LOC400499: variants seen among roughly 807,000 people sequenced by gnomAD.
At chr16:11,484,912 G>C in the LOC400499 span, 1 of 399,420 alleles carries the variant, frequency 2.5e-6, no homozygotes, top group East Asian at 3.6e-5. Context: ...TTCTGTCTCT[G>C]TCTCCTGGAC....
chr16:11,494,871 C>A, the LOC400499 span: 2 of 397,898 alleles, frequency 5.0e-6, no homozygotes, highest in Non-Finnish European at 8.9e-6. Flanking sequence ...AGAGCTGAGT[C>A]CCCCAGAGTC....
chr16:11,467,261 A>C, the LOC400499 span: 1 of 139,486 alleles, frequency 7.2e-6, no homozygotes, highest in South Asian at 2.3e-4. Context: ...CTGCCAAGCT[A>C]TATTTTTGAG....
the LOC400499 span, chr16:11,393,628 C>T: frequency 1.7e-6 from 2 of 1,206,050 alleles, no homozygotes; most frequent in African/African-American, 3.1e-5. Flanking sequence ...CCCTGCCCGC[C>T]CCAGGCTCAG....
the LOC400499 span, among the ~76,000 whole-genome samples, chr16:11,432,150 C>G: frequency 1.3e-5 from 2 of 152,236 alleles, no homozygotes; most frequent in Non-Finnish European, 2.9e-5. Context: ...GTCCTCAGCC[C>G]ATGCACACAT....
At chr16:11,375,715 A>T in the LOC400499 span, among the ~76,000 whole-genome samples, 2 of 148,862 alleles carry the variant, frequency 1.3e-5, no homozygotes, top group East Asian at 3.9e-4. Context: ...AGAAATGTCT[A>T]TTCAAGTCCT....
the LOC400499 span, among the ~76,000 whole-genome samples, chr16:11,505,675 T>G: frequency 1.4e-4 from 22 of 152,036 alleles, no homozygotes; most frequent in African/African-American, 5.1e-4. Flanking sequence ...CTCAAACCCC[T>G]GGGGTTTAAG....
At chr16:11,487,435 G>C in the LOC400499 span, 326 of 398,562 alleles carry the variant, frequency 8.2e-4, 4 homozygotes, top group Admixed American at 0.014. Flanking sequence ...TCACAGAGTG[G>C]GGTCTGGCTA....
chr16:11,445,990 A>G, the LOC400499 span, among the ~76,000 whole-genome samples: 1 of 151,556 alleles, frequency 6.6e-6, no homozygotes, highest in African/African-American at 2.4e-5. Flanking sequence ...ATGCCCATCT[A>G]GTTTTTATAT....
chr16:11,459,612 G>T, the LOC400499 span, among the ~76,000 whole-genome samples: 1 of 152,152 alleles, frequency 6.6e-6, no homozygotes, highest in Non-Finnish European at 1.5e-5. Context: ...CCCACCCTCT[G>T]GGAAAGACTA....
chr16:11,491,941 G>A, the LOC400499 span: 1 of 396,060 alleles, frequency 2.5e-6, no homozygotes. Flanking sequence ...CTGCTGCCTA[G>A]CCCCAGCTGT....
the LOC400499 span, among the ~76,000 whole-genome samples, chr16:11,519,150 T>A: frequency 6.6e-6 from 1 of 152,146 alleles, no homozygotes; most frequent in Non-Finnish European, 1.5e-5. Context: ...GCCGAATGTC[T>A]CACTGAAATA....
chr16:11,382,824 A>C, the LOC400499 span, among the ~76,000 whole-genome samples: 1 of 152,082 alleles, frequency 6.6e-6, no homozygotes, highest in South Asian at 2.1e-4. Flanking sequence ...GAAAAAACCT[A>C]ATGGCAAATT....
At chr16:11,449,200 C>A in the LOC400499 span, 1 of 1,122,044 alleles carries the variant, frequency 8.9e-7, no homozygotes, top group Non-Finnish European at 1.2e-6. Flanking sequence ...TTGGTGAACT[C>A]CTCTTCATCC....
At chr16:11,404,643 G>A in the LOC400499 span, 2 of 398,742 alleles carry the variant, frequency 5.0e-6, no homozygotes, top group Non-Finnish European at 8.8e-6. Flanking sequence ...CACCGCGCCT[G>A]GCCAGGGATG....
the LOC400499 span, chr16:11,390,044 C>A: frequency 9.1e-7 from 1 of 1,100,546 alleles, no homozygotes; most frequent in South Asian, 4.6e-5. Flanking sequence ...TCAAAGCATT[C>A]AGCACTGCAC....
the LOC400499 span, chr16:11,383,820 G>A: frequency 8.1e-7 from 1 of 1,232,194 alleles, no homozygotes; most frequent in Non-Finnish European, 1.0e-6. Flanking sequence ...TCCACACCCT[G>A]AGGAGGGACC....
At chr16:11,395,794 CGA>C in the LOC400499 span, among the ~76,000 whole-genome samples, 66 of 152,232 alleles carry the variant, frequency 4.3e-4, no homozygotes, top group Non-Finnish European at 8.2e-4. Context: ...ATGGAAACGC[CGA>C]GAGAGCACCT....
the LOC400499 span, among the ~76,000 whole-genome samples, chr16:11,496,581 T>C: frequency 1.6e-4 from 25 of 152,272 alleles, no homozygotes; most frequent in South Asian, 5.0e-3. Flanking sequence ...ATGCGTGTAT[T>C]TCCTGGTGGA....
At chr16:11,439,009 C>T in the LOC400499 span, among the ~76,000 whole-genome samples, 3,615 of 152,200 alleles carry the variant, frequency 0.024, 127 homozygotes, top group African/African-American at 0.074. Context: ...TCCCTATTTA[C>T]ACCTCCACAT....
Sources: gnomAD v4.1 joint callset for allele counts (sites outside exome capture counted in the v4.1 genomes callset) on GRCh38, gnomAD v4.1.1 for gene constraint, MANE v1.5 for transcripts.